Variants in KCNQ5 observed in about 807,000 individuals in gnomAD.
KCNQ5 encodes potassium voltage-gated channel subfamily Q member 5, also known as potassium voltage-gated channel subfamily KQT member 5.
In KCNQ5, 30 loss-of-function variants were observed where a neutral mutation model predicts 98.2. That is an observed-to-expected ratio of 0.31 (90% CI 0.23 to 0.41). The LOEUF (loss-of-function observed/expected upper bound fraction) is 0.41. KCNQ5 is among the 10% of genes least tolerant of loss of function. The probability of loss-of-function intolerance (pLI) is 1.00; values close to 1 mark genes in which losing one functional copy is unlikely to be tolerated. For synonymous variants in KCNQ5, 458 were observed against 449.4 expected (o/e 1.02, Z -0.24); for missense variants, 835 against 1,182.5 (o/e 0.71, Z 4.31).
intron 1 of KCNQ5, among the ~76,000 whole-genome samples, chr6:72,836,528 T>C (rs1317905067): frequency 6.6e-6 from 1 of 152,030 alleles, no homozygotes. Context: ...AGGCTCAAAT[T>C]CCTGAGCTCA....
chr6:73,118,191 T>C (rs1047118789), intron 7 of KCNQ5, among the ~76,000 whole-genome samples: 4 of 152,240 alleles, frequency 2.6e-5, no homozygotes, highest in African/African-American at 9.6e-5. Flanking sequence ...TCGCAATCAC[T>C]ATCCCATAAG....
At chr6:72,946,502 A>T (rs1317540598) in intron 1 of KCNQ5, among the ~76,000 whole-genome samples, 2 of 152,316 alleles carry the variant, frequency 1.3e-5, no homozygotes, top group South Asian at 4.1e-4. Context: ...TATTTAATAC[A>T]TCATAGACTG....
Position 73,174,329 on chromosome 6 carries a change from T to A in KCNQ5, c.1577+4475T>A, listed in dbSNP as rs1453373365. Among the ~76,000 whole-genome samples, 4 of 152,202 alleles carry A rather than the reference T, an allele frequency of 2.6e-5. No homozygotes were observed. In the East Asian group the frequency reaches 7.7e-4, roughly 29 times the overall value. ...TCAGTTGTCAAGAACTGAATCAAAA[T>A]ACTGTGAAACCTGTTCTTTTTGTGA... On this transcript the variant is annotated intron_variant, in intron 11 of 13. Transcript: ENST00000370398.
At chr6:72,734,585 A>G (rs1439451569) in intron 1 of KCNQ5, among the ~76,000 whole-genome samples, 1 of 152,082 alleles carries the variant, frequency 6.6e-6, no homozygotes, top group Non-Finnish European at 1.5e-5. Context: ...TGAGACTTTT[A>G]TTTGTGCTGT....
chr6:72,716,476 T>C (rs547822573), intron 1 of KCNQ5, among the ~76,000 whole-genome samples: 58 of 152,370 alleles, frequency 3.8e-4, no homozygotes, highest in African/African-American at 1.2e-3. Flanking sequence ...ATTTGGCTTT[T>C]GTAATACCTA....
intron 2 of KCNQ5, among the ~76,000 whole-genome samples, chr6:73,009,063 C>T (rs943065974): frequency 9.9e-5 from 15 of 152,218 alleles, no homozygotes; most frequent in African/African-American, 3.6e-4. Context: ...GATCTTGGCT[C>T]ATTGCAACCT....
At chr6:72,786,291 G>C (rs1032675172) in intron 1 of KCNQ5, among the ~76,000 whole-genome samples, 4 of 152,114 alleles carry the variant, frequency 2.6e-5, no homozygotes, top group African/African-American at 9.7e-5. Flanking sequence ...TATAAATAAT[G>C]ATTTATTATA....
At chr6:73,028,676 T>C (rs1015989572) in intron 2 of KCNQ5, among the ~76,000 whole-genome samples, 4 of 152,248 alleles carry the variant, frequency 2.6e-5, no homozygotes, top group African/African-American at 7.2e-5. Flanking sequence ...GGCAGACTCT[T>C]AGTTCTGAAT....
At chr6:73,111,499 A>G in intron 7 of KCNQ5, 96 bp downstream of exon 7, 1 of 810,682 alleles carries the variant, frequency 1.2e-6, no homozygotes, top group South Asian at 1.7e-5. Flanking sequence ...TGGTAGAACT[A>G]CTGCTTTGTT....
intron 1 of KCNQ5, among the ~76,000 whole-genome samples, chr6:72,879,408 G>A (rs2150171159): frequency 6.6e-6 from 1 of 152,104 alleles, no homozygotes; most frequent in East Asian, 1.9e-4. Flanking sequence ...TTTATTTCCT[G>A]TGTAGAATTT....
At chr6:72,627,749 C>T (rs953104226) in intron 1 of KCNQ5, among the ~76,000 whole-genome samples, 1 of 152,142 alleles carries the variant, frequency 6.6e-6, no homozygotes, top group Non-Finnish European at 1.5e-5. Context: ...CACTCTAAGC[C>T]CCACCCTTAC....
At chr6:73,055,699 T>C (rs557062595) in intron 3 of KCNQ5, 3 of 1,130,518 alleles carry the variant, frequency 2.7e-6, no homozygotes, top group South Asian at 2.5e-5. Context: ...CTGAAGAGGC[T>C]ATCATGGAGC....
At chr6:73,044,491 G>C (rs1771865246) in intron 3 of KCNQ5, among the ~76,000 whole-genome samples, 1 of 152,136 alleles carries the variant, frequency 6.6e-6, no homozygotes, top group Admixed American at 6.5e-5. Flanking sequence ...TTTATTAAAT[G>C]TACATGTTTG....
chr6:72,757,215 A>G (rs923879289), intron 1 of KCNQ5, among the ~76,000 whole-genome samples: 1 of 152,196 alleles, frequency 6.6e-6, no homozygotes, highest in African/African-American at 2.4e-5. Context: ...TAGACCTTTA[A>G]GAAATGTGAA....
chr6:73,164,387 GAATT>G (rs1777717479), intron 10 of KCNQ5, among the ~76,000 whole-genome samples: 2 of 152,154 alleles, frequency 1.3e-5, no homozygotes, highest in African/African-American at 4.8e-5. Flanking sequence ...AAAAAAAGCA[GAATT>G]GAGTGTTTAA....
intron 3 of KCNQ5, among the ~76,000 whole-genome samples, chr6:73,048,991 C>G (rs973620302): frequency 6.6e-6 from 1 of 152,060 alleles, no homozygotes; most frequent in African/African-American, 2.4e-5. Flanking sequence ...GAGATGTTAT[C>G]TGAAACTGTA....
intron 1 of KCNQ5, among the ~76,000 whole-genome samples, chr6:72,931,956 TC>T (rs1172583791): frequency 1.3e-5 from 2 of 152,068 alleles, no homozygotes; most frequent in Non-Finnish European, 2.9e-5. Flanking sequence ...CTCACTTGAC[TC>T]CCAAAAACCC....
rs368628365 is a variant in KCNQ5, at chr6:72,903,030, G to A, written c.399-100878G>A. Among the ~76,000 whole-genome samples, 27 of 152,214 alleles carry A rather than the reference G, an allele frequency of 1.8e-4. No individual in the cohort carries two copies. In the East Asian group the frequency reaches 4.2e-3, roughly 24 times the overall value. Reference sequence around the variant, plus strand: ...TCACTGCTTGTTATTGGTCTGTTTAGGGTAGCTAATTCTTCCTGCTTTAAG... The same window carrying A: ...TCACTGCTTGTTATTGGTCTGTTTAAGGTAGCTAATTCTTCCTGCTTTAAG... On this transcript the variant is annotated intron_variant, in intron 1 of 13. Coordinates refer to ENST00000370398, the MANE Select transcript of KCNQ5 (RefSeq NM_019842.4).
intron 1 of KCNQ5, chr6:72,987,844 TCTTGGTGATGAC>T: frequency 2.7e-6 from 1 of 366,696 alleles, no homozygotes; most frequent in East Asian, 6.4e-5. Flanking sequence ...AAAAATCAGA[TCTTGGTGATGAC>T]CTTGAGCAGT....
Sources: gnomAD v4.1 joint callset for allele counts (sites outside exome capture counted in the v4.1 genomes callset) on GRCh38, gnomAD v4.1.1 for gene constraint, MANE v1.5 for transcripts, NCBI Gene and HGNC (gene_info 2026-07-23, HGNC 2026-07-21) for gene names.